The following PRDM13 variants were observed in gnomAD, a reference collection of about 807,000 sequenced individuals.
PRDM13 encodes PR/SET domain 13, also known as PR domain zinc finger protein 13.
PRDM13 carries 15 observed loss-of-function variants against 36.4 expected under a neutral mutation model. That is an observed-to-expected ratio of 0.41 (90% CI 0.28 to 0.64). PRDM13 has a LOEUF of 0.64. PRDM13 is among the 30% of genes least tolerant of loss of function. PRDM13 has a pLI of 0.29. For synonymous variants in PRDM13, 531 were observed against 467.7 expected (o/e 1.14, Z -1.75); for missense variants, 1,044 against 1,013.5 (o/e 1.03, Z -0.41).
chr6:99,612,092 G>T lies in PRDM13; in HGVS notation c.398-941G>T, dbSNP rs545517517. On this transcript the variant is annotated intron_variant, in intron 3 of 3. Transcript: ENST00000369215. Reference sequence around the variant, plus strand: ...AAACACGTATATAGTGCCCGGTAGAGAATTCTGCACTTATTAAAAGCTGAG... The same window carrying T: ...AAACACGTATATAGTGCCCGGTAGATAATTCTGCACTTATTAAAAGCTGAG... Among the ~76,000 whole-genome samples the T allele has an allele frequency of 1.3e-3, 192 of 152,256 alleles. 1 individual carries two copies. The Middle Eastern group carries it at 0.038, about 30-fold the overall frequency.
At chr6:99,612,174 T>C (rs1304727552) in intron 3 of PRDM13, among the ~76,000 whole-genome samples, 1 of 152,206 alleles carries the variant, frequency 6.6e-6, no homozygotes, top group Non-Finnish European at 1.5e-5. Flanking sequence ...AATAAAAAAC[T>C]AATATATTTT....
Position 99,613,506 on chromosome 6 carries a change from G to T in PRDM13, c.871G>T (p.Val291Leu), listed in dbSNP as rs767721224. 6.6e-7 allele frequency: 1 copy of T among 1,517,282 alleles called. No homozygotes were observed. 94.0% of individuals were successfully genotyped at this position (1,517,282 alleles called of 1,614,324 possible). A position where few individuals can be genotyped will look rare whatever the true frequency, so the allele number is the denominator to read the frequency against. Residue 291 changes from valine (V) to leucine (L), a missense_variant, in exon 4 of 4, where the codon GTG (valine) becomes TTG (leucine). Val to Leu is a conservative substitution (Grantham distance 32). Coordinates refer to ENST00000369215, the MANE Select transcript of PRDM13 (RefSeq NM_021620.4). This position sits in a 1 kb window ranked among gnomAD's most constrained non-coding sequence, Gnocchi z 6.1. ...CGGCAGCCTGGCTTTCTACCCCGGC[G>T]TGCGCTCAGCTTTCAAGCCCGCCGG... is the stretch of plus-strand genomic sequence containing the variant. ...GVGSLAFYPGVRSAFKPAGLA... is the reference protein window; with the variant it reads ...GVGSLAFYPGLRSAFKPAGLA...
In PRDM13 at chr6:99,613,369, G is replaced by T. The variant is rs760607926; in HGVS notation, c.734G>T (p.Trp245Leu). The stretch of plus-strand genomic sequence containing the variant: ...GCCACCTCGCCGACCCCAGGCAAGT[G>T]GGGGCAGCCCAAGAAGGGCAAGGAG... ...PSATSPTPGK[W>L]GQPKKGKEQL... The change falls in exon 4 of 4, where the codon TGG becomes TTG. Residue 245 changes from tryptophan (W) to leucine (L), a missense_variant. By Grantham distance (61) the Trp-to-Leu change is moderately conservative (BLOSUM62 -2). This residue lies in a region of PRDM13 where 921 missense variants were observed against 865.2 expected (regional missense o/e 1.06). Coordinates refer to ENST00000369215, the MANE Select transcript of PRDM13 (RefSeq NM_021620.4). The surrounding 1 kb of genome is among the most constrained non-coding windows in gnomAD (Gnocchi z 6.1). 2 of 1,550,502 alleles carry T rather than the reference G, an allele frequency of 1.3e-6. No homozygotes were observed. Among genetic ancestry groups the T allele is most frequent in the South Asian group, 1.2e-5 (1 of 85,146 alleles).
intron 1 of PRDM13, among the ~76,000 whole-genome samples, chr6:99,607,550 G>A (rs751614112): frequency 6.6e-6 from 1 of 152,320 alleles, no homozygotes; most frequent in Admixed American, 6.5e-5. Context: ...CTCTTTCTGG[G>A]GGCTCAGGGC....
In PRDM13 at chr6:99,613,026, T is replaced by C; in HGVS notation, c.398-7T>C. On this transcript the variant is annotated splice_region_variant and splice_polypyrimidine_tract_variant and intron_variant, in intron 3 of 3. Coordinates refer to ENST00000369215, the MANE Select transcript of PRDM13 (RefSeq NM_021620.4). The surrounding 1 kb of genome is among the most constrained non-coding windows in gnomAD (Gnocchi z 6.1). ...ACCGGGTCGCTTTTCCATTCTTTCT[T>C]GCCCAGGGGAGGAGCGCTACATCTG... 1 of 1,613,466 alleles carries C rather than the reference T, an allele frequency of 6.2e-7. No individual in the cohort carries two copies. Among genetic ancestry groups the C allele is most frequent in the Non-Finnish European group, 8.5e-7 (1 of 1,179,956 alleles).
chr6:99,609,897 T>TAAA (rs66604892), intron 3 of PRDM13, among the ~76,000 whole-genome samples: 5 of 140,654 alleles, frequency 3.6e-5, no homozygotes, highest in African/African-American at 1.5e-4. Context: ...AATAAATAAA[T>TAAA]AAAAATAAAA....
At chr6:99,610,351 A>G (rs1770014473) in intron 3 of PRDM13, among the ~76,000 whole-genome samples, 1 of 152,218 alleles carries the variant, frequency 6.6e-6, no homozygotes, top group South Asian at 2.1e-4. Context: ...CTTTTCACAC[A>G]CAAAGCTTCC....
At chr6:99,611,592 G>T (rs1770032690) in intron 3 of PRDM13, among the ~76,000 whole-genome samples, 2 of 152,172 alleles carry the variant, frequency 1.3e-5, no homozygotes, top group Non-Finnish European at 2.9e-5. Flanking sequence ...TTGGAATGCA[G>T]TGCTTATCAC....
chr6:99,611,996 G>A (rs759601812), intron 3 of PRDM13, among the ~76,000 whole-genome samples: 4 of 152,120 alleles, frequency 2.6e-5, no homozygotes, highest in Non-Finnish European at 5.9e-5. Context: ...TCTCTTGATT[G>A]TGTTCACAAA....
At position 99,606,918 on chromosome 6, in the gene PRDM13, G is replaced by A; in HGVS notation, c.-117G>A. On this transcript the variant is annotated 5_prime_UTR_variant, in exon 1 of 4. Coordinates refer to ENST00000369215, the MANE Select transcript of PRDM13 (RefSeq NM_021620.4). ...GCATGCCCGCCCGCGTCACTCCGCG[G>A]GCGGAGGACGCACGTCGGGGCGCGG... is the stretch of plus-strand genomic sequence containing the variant. 1 of 1,341,220 alleles carries A rather than the reference G, an allele frequency of 7.5e-7. No homozygotes were observed. The highest frequency in any genetic ancestry group is 9.8e-7 in the Non-Finnish European group (1 of 1,019,304). 83.1% of individuals were successfully genotyped at this position (1,341,220 alleles called of 1,614,324 possible). A position where few individuals can be genotyped will look rare whatever the true frequency, so the allele number is the denominator to read the frequency against.
At position 99,606,973 on chromosome 6, in the gene PRDM13, G is replaced by A. The variant is rs1171558382; in HGVS notation, c.-62G>A. The A allele has an allele frequency of 6.6e-7, 1 of 1,515,062 alleles. No individual in the cohort carries two copies. Among genetic ancestry groups the A allele is most frequent in the Non-Finnish European group, 8.8e-7 (1 of 1,134,324 alleles). The allele number at this position is 1,515,062 out of a possible 1,614,324, so 93.9% of individuals were successfully genotyped here. ...CTGGCTAGCGCGCAGCTCCAGCTCT[G>A]TCACTCGCGCCCTTCCAAGGACCTG... On this transcript the variant is annotated 5_prime_UTR_variant, in exon 1 of 4. Transcript: ENST00000369215.
At position 99,613,849 on chromosome 6, in the gene PRDM13, T is replaced by C; in HGVS notation, c.1214T>C (p.Val405Ala). The part of the protein sequence containing the change: ...PPEEASAFKH[V>A]ERAPPAAAAL... ...GAAGAGGCGTCCGCCTTCAAGCACGTGGAGCGCGCCCCGCCCGCAGCCGCC... is the reference window on the plus strand; with the variant it reads ...GAAGAGGCGTCCGCCTTCAAGCACGCGGAGCGCGCCCCGCCCGCAGCCGCC... Residue 405 changes from valine to alanine, a missense_variant, in exon 4 of 4, where the codon GTG (valine) becomes GCG (alanine). Val to Ala is a moderately conservative substitution (Grantham distance 64). This residue lies in a region of PRDM13 where 921 missense variants were observed against 865.2 expected (regional missense o/e 1.06). Coordinates refer to ENST00000369215, the MANE Select transcript of PRDM13 (RefSeq NM_021620.4). The surrounding 1 kb of genome is among the most constrained non-coding windows in gnomAD (Gnocchi z 6.1). 1 of 1,510,104 alleles carries C rather than the reference T, an allele frequency of 6.6e-7. No individual in the cohort carries two copies. Among genetic ancestry groups the C allele is most frequent in the Non-Finnish European group, 8.8e-7 (1 of 1,136,200 alleles). 93.5% of individuals were successfully genotyped at this position (1,510,104 alleles called of 1,614,324 possible).
chr6:99,609,661 G>A (rs2114497244), intron 3 of PRDM13, among the ~76,000 whole-genome samples: 1 of 152,268 alleles, frequency 6.6e-6, no homozygotes, highest in East Asian at 1.9e-4. Context: ...CGAGGTAGGA[G>A]GATCACTTGA....
chr6:99,610,154 T>TGTAGGCAAGGGGAAA (rs1319897915), intron 3 of PRDM13, among the ~76,000 whole-genome samples: 1 of 152,230 alleles, frequency 6.6e-6, no homozygotes, highest in Non-Finnish European at 1.5e-5. Flanking sequence ...TTAAGTTGAA[T>TGTAGGCAAGGGGAAA]CTGGGATGTA....
At position 99,613,016 on chromosome 6, in the gene PRDM13, C is replaced by T. The variant is rs2114499487; in HGVS notation, c.398-17C>T. The T allele has an allele frequency of 6.2e-7, 1 of 1,608,798 alleles. No homozygotes were observed. Among genetic ancestry groups the T allele is most frequent in the Non-Finnish European group, 8.5e-7 (1 of 1,177,970 alleles). ...TTCGCCTCTCACCGGGTCGCTTTTC[C>T]ATTCTTTCTTGCCCAGGGGAGGAGC... On this transcript the variant is annotated splice_polypyrimidine_tract_variant and intron_variant, in intron 3 of 3. Coordinates refer to ENST00000369215, the MANE Select transcript of PRDM13 (RefSeq NM_021620.4). The surrounding 1 kb of genome is among the most constrained non-coding windows in gnomAD (Gnocchi z 6.1).
intron 1 of PRDM13, 24 bp from the exon 2 acceptor site, chr6:99,608,717 G>A (rs1469335232): frequency 6.3e-7 from 1 of 1,591,440 alleles, no homozygotes; most frequent in African/African-American, 1.3e-5. Flanking sequence ...GTGCGGGGGA[G>A]AACGACCACT....
At position 99,613,997 on chromosome 6, in the gene PRDM13, C is replaced by T. The variant is rs1314277702; in HGVS notation, c.1362C>T (p.His454=). 5 of 1,609,868 alleles carry T rather than the reference C, an allele frequency of 3.1e-6. No individual in the cohort carries two copies. Among genetic ancestry groups the T allele is most frequent in the Non-Finnish European group, 4.2e-6 (5 of 1,178,932 alleles). The stretch of plus-strand genomic sequence containing the variant: ...CCTATCCGGGTGGTGAGTGCAGCCA[C>T]CTGCCCGCCGTCATGCCGGCCTTTA... ...LKAYPGGECS[H]LPAVMPAFTV... is the part of the protein sequence containing the mutation. The change falls in exon 4 of 4, where the codon CAC becomes CAT. Residue 454 remains histidine, a synonymous_variant. Coordinates refer to ENST00000369215, the MANE Select transcript of PRDM13 (RefSeq NM_021620.4). This position sits in a 1 kb window ranked among gnomAD's most constrained non-coding sequence, Gnocchi z 6.1.
chr6:99,614,854 A>T lies in PRDM13; in HGVS notation c.*95A>T. On this transcript the variant is annotated 3_prime_UTR_variant, in exon 4 of 4. Coordinates refer to ENST00000369215, the MANE Select transcript of PRDM13 (RefSeq NM_021620.4). ...CTCCTGGTGGTGGGAAGAGGGACCCAATGGACAAAACCGTTTTTGTTTTTG... is the reference window on the plus strand; with the variant it reads ...CTCCTGGTGGTGGGAAGAGGGACCCTATGGACAAAACCGTTTTTGTTTTTG... 6.8e-7 allele frequency: 1 copy of T among 1,463,126 alleles called. No individual in the cohort carries two copies. The highest frequency in any genetic ancestry group is 9.1e-7 in the Non-Finnish European group (1 of 1,098,262). The allele number at this position is 1,463,126 out of a possible 1,614,324, so 90.6% of individuals were successfully genotyped here.
chr6:99,614,392 A>G lies in PRDM13; in HGVS notation c.1757A>G (p.Tyr586Cys), dbSNP rs986869240. 5.0e-6 allele frequency: 8 copies of G among 1,613,294 alleles called. No individual in the cohort carries two copies. Among genetic ancestry groups the G allele is most frequent in the South Asian group, 1.1e-5 (1 of 91,074 alleles). Reference sequence around the variant, plus strand: ...TGTGGCAAGCTGTACTCGCGCAAGTATGGGCTCAAGATCCACATGCGGACG... The same window carrying G: ...TGTGGCAAGCTGTACTCGCGCAAGTGTGGGCTCAAGATCCACATGCGGACG... ...LYCGKLYSRK[Y>C]GLKIHMRTHT... Residue 586 changes from tyrosine to cysteine, a missense_variant, in exon 4 of 4, where the codon TAT (tyrosine) becomes TGT (cysteine). Around this residue, in one of 3 missense-constraint regions of PRDM13, gnomAD observed 921 missense variants for 865.2 expected, o/e 1.06. Transcript: ENST00000369215.
Sources: allele counts gnomAD v4.1 joint callset (sites outside exome capture counted in the v4.1 genomes callset), GRCh38; gene constraint gnomAD v4.1.1; regional missense constraint gnomAD v4.1.1; non-coding constraint Gnocchi (gnomAD v3.1); transcripts MANE v1.5; gene names NCBI Gene and HGNC (gene_info 2026-07-23, HGNC 2026-07-21).